The following PRKAG2 variants were observed in gnomAD, a reference collection of about 807,000 sequenced individuals.
The protein encoded by PRKAG2 is 5'-AMP-activated protein kinase subunit gamma-2.
In PRKAG2, 26 loss-of-function variants were observed where a neutral mutation model predicts 69.6. The observed-to-expected ratio is 0.37, with a 90% confidence interval of 0.27 to 0.52. The LOEUF is 0.52. Ranked by LOEUF, PRKAG2 falls within the 20% of genes least tolerant of loss-of-function variation. The pLI, the probability that PRKAG2 is intolerant of heterozygous loss-of-function variation, is 0.90. For missense variants in PRKAG2, 557 were observed against 740.0 expected (o/e 0.75, Z 2.87); for synonymous variants, 293 against 285.0 (o/e 1.03, Z -0.28).
chr7:151,866,204 CACCGTCCAGCCTCAGCCTG>C (rs1563766227), intron 1 of PRKAG2, among the ~76,000 whole-genome samples: 2 of 152,076 alleles, frequency 1.3e-5, no homozygotes, highest in Admixed American at 6.5e-5. Context: ...TCTCTGGGCC[CACCGTCCAGCCTCAGCCTG>C]ACCGTCCAGC....
chr7:151,566,458 T>C, intron 11 of PRKAG2: 1 of 316,232 alleles, frequency 3.2e-6, no homozygotes, highest in Non-Finnish European at 6.3e-6. Context: ...TAAAAGAATC[T>C]TTAAAAATTA....
At chr7:151,842,382 G>A (rs866533467) in intron 1 of PRKAG2, among the ~76,000 whole-genome samples, 9 of 88,832 alleles carry the variant, frequency 1.0e-4, no homozygotes, top group South Asian at 3.6e-4. Flanking sequence ...GATGGTAGGT[G>A]GGGATGGTAG....
chr7:151,665,405 C>T (rs887100861), intron 4 of PRKAG2, among the ~76,000 whole-genome samples: 9 of 152,196 alleles, frequency 5.9e-5, no homozygotes, highest in African/African-American at 1.9e-4. Context: ...AAAAGGGCCA[C>T]GCTCCCAGTC....
At chr7:151,736,563 T>C (rs907337174) in intron 3 of PRKAG2, among the ~76,000 whole-genome samples, 4 of 152,144 alleles carry the variant, frequency 2.6e-5, no homozygotes, top group Admixed American at 2.6e-4. Flanking sequence ...CACATTCCCA[T>C]TGTGACATGA....
In PRKAG2 at chr7:151,850,922, C is replaced by T. The variant is rs10952322; in HGVS notation, c.114+25585G>A. Reference sequence around the variant, plus strand: ...CCTCGATGAGCCGCCGCAATGTGACCTTAGGCCAGTCACTTGAGCTCCAAG... The same window carrying T: ...CCTCGATGAGCCGCCGCAATGTGACTTTAGGCCAGTCACTTGAGCTCCAAG... On this transcript the variant is annotated intron_variant, in intron 1 of 15. Transcript: ENST00000287878. The surrounding 1 kb of genome is among the most constrained non-coding windows in gnomAD (Gnocchi z 4.1). Among the ~76,000 whole-genome samples the T allele has an allele frequency of 0.19, 28,614 of 152,164 alleles. 2,792 individuals are homozygous for T. The highest frequency in any genetic ancestry group is 0.29 in the East Asian group (1,473 of 5,158).
intron 3 of PRKAG2, among the ~76,000 whole-genome samples, chr7:151,733,691 C>T (rs565499915): frequency 2.7e-4 from 41 of 149,568 alleles, no homozygotes; most frequent in South Asian, 1.9e-3. Flanking sequence ...GTCCTATTCC[C>T]GTGCACAGTC....
At chr7:151,684,528 T>G (rs781614814) in intron 3 of PRKAG2, among the ~76,000 whole-genome samples, 2 of 152,078 alleles carry the variant, frequency 1.3e-5, no homozygotes, top group Non-Finnish European at 2.9e-5. Flanking sequence ...CAAAGCACCC[T>G]AGGACACTGA....
intron 1 of PRKAG2, among the ~76,000 whole-genome samples, chr7:151,826,490 A>G (rs2078908089): frequency 6.6e-6 from 1 of 152,068 alleles, no homozygotes; most frequent in Non-Finnish European, 1.5e-5. Flanking sequence ...GCTCAGTTCC[A>G]TTAATTTCAC....
In PRKAG2 at chr7:151,701,387, T is replaced by TA. The variant is rs1409179704; in HGVS notation, c.467-25751dup. On this transcript the variant is annotated intron_variant, in intron 3 of 15. Coordinates refer to ENST00000287878, the MANE Select transcript of PRKAG2 (RefSeq NM_016203.4). ...ACCCTGGTACCTGTGCATGTGACCT[T>TA]AGACATAGGGTCATTGCAGATATAA... 6.6e-5 allele frequency among the ~76,000 whole-genome samples: 10 copies of TA among 152,328 alleles called. 1 individual carries two copies. Among genetic ancestry groups the TA allele is most frequent in the Non-Finnish European group, 1.2e-4 (8 of 68,030 alleles).
intron 11 of PRKAG2, chr7:151,566,477 TG>T: frequency 2.8e-6 from 1 of 353,686 alleles, no homozygotes; most frequent in South Asian, 2.2e-5. Flanking sequence ...TAACTTTTCA[TG>T]GGCTGTTTTA....
At chr7:151,820,413 G>A (rs1386989120) in intron 1 of PRKAG2, among the ~76,000 whole-genome samples, 2 of 134,742 alleles carry the variant, frequency 1.5e-5, no homozygotes, top group African/African-American at 5.8e-5. Flanking sequence ...TGTGGCTTCT[G>A]CAGGGCACAC....
At chr7:151,603,039 T>G (rs1585160265) in intron 5 of PRKAG2, among the ~76,000 whole-genome samples, 3 of 152,222 alleles carry the variant, frequency 2.0e-5, no homozygotes, top group East Asian at 3.9e-4. Context: ...GAACACACGG[T>G]TTTTCTCAGT....
At chr7:151,848,853 A>G (rs2079502527) in intron 1 of PRKAG2, among the ~76,000 whole-genome samples, 1 of 152,208 alleles carries the variant, frequency 6.6e-6, no homozygotes, top group African/African-American at 2.4e-5. Flanking sequence ...CTACCTAAAA[A>G]TAAGAAAATG....
chr7:151,764,178 A>G (rs2075601231), intron 3 of PRKAG2, among the ~76,000 whole-genome samples: 2 of 152,140 alleles, frequency 1.3e-5, no homozygotes, highest in African/African-American at 4.8e-5. Flanking sequence ...CTAGCAAGGG[A>G]ATGACATAAT....
At chr7:151,558,433 G>A in intron 15 of PRKAG2, 1 of 985,308 alleles carries the variant, frequency 1.0e-6, no homozygotes, top group Non-Finnish European at 1.2e-6. Context: ...CAACATAGGA[G>A]GGAGACGGGC....
At chr7:151,571,073 ATT>A (rs549539764) in intron 9 of PRKAG2, among the ~76,000 whole-genome samples, 4 of 134,972 alleles carry the variant, frequency 3.0e-5, no homozygotes, top group Non-Finnish European at 4.8e-5. Flanking sequence ...GCCCAGCCTA[ATT>A]TTTTTTTTTT....
At chr7:151,741,972 C>T (rs1433130776) in intron 3 of PRKAG2, among the ~76,000 whole-genome samples, 1 of 152,176 alleles carries the variant, frequency 6.6e-6, no homozygotes, top group Non-Finnish European at 1.5e-5. Context: ...GGGTGCTGGT[C>T]ACCTTACAGT....
chr7:151,838,084 T>C (rs1222963215), intron 1 of PRKAG2, among the ~76,000 whole-genome samples: 4 of 151,948 alleles, frequency 2.6e-5, no homozygotes, highest in Non-Finnish European at 1.5e-5. Context: ...GAGGCAGGAC[T>C]GGAAAGGACA....
intron 4 of PRKAG2, among the ~76,000 whole-genome samples, chr7:151,633,697 A>G (rs545607746): frequency 2.0e-5 from 3 of 152,282 alleles, no homozygotes; most frequent in Admixed American, 2.0e-4. Context: ...AAACTCAAGA[A>G]ACCATGTATA....
Sources: allele counts gnomAD v4.1 joint callset (sites outside exome capture counted in the v4.1 genomes callset), GRCh38; gene constraint gnomAD v4.1.1; non-coding constraint Gnocchi (gnomAD v3.1); transcripts MANE v1.5; gene names NCBI Gene and HGNC (gene_info 2026-07-23, HGNC 2026-07-21).